Variants in USP48 observed in about 807,000 individuals in gnomAD.
USP48 encodes the protein ubiquitin specific peptidase 48.
Under a neutral mutation model 150.7 loss-of-function variants are expected in USP48, and 43 were observed. The observed-to-expected ratio is 0.29, with a 90% CI of 0.22 to 0.37. The LOEUF (loss-of-function observed/expected upper bound fraction) is 0.37. USP48 is among the 10% of genes least tolerant of loss of function. USP48 has a pLI of 1.00. For missense variants in USP48, 813 were observed against 1,249.6 expected (o/e 0.65, Z 5.27); for synonymous variants, 396 against 425.9 (o/e 0.93, Z 0.86).
intron 1 of USP48, among the ~76,000 whole-genome samples, chr1:21,775,716 C>A (rs997838212): frequency 6.6e-6 from 1 of 152,170 alleles, no homozygotes; most frequent in African/African-American, 2.4e-5. Flanking sequence ...TCCCTATACA[C>A]GGCTGGAAGC....
In USP48 at chr1:21,706,219, T is replaced by A. The variant is rs199906606; in HGVS notation, c.2212-32A>T. ...CACAAAAATCACAAAACAGTATCCG[T>A]CAATTCACCGCCTGCTTAACACAAA... On this transcript the variant is annotated intron_variant, in intron 17 of 26. Transcript: ENST00000308271. The A allele has an allele frequency of 1.2e-5, 20 of 1,606,042 alleles. No homozygotes were observed. The East Asian group carries it at 4.5e-4, about 36-fold the overall frequency.
intron 1 of USP48, among the ~76,000 whole-genome samples, chr1:21,770,439 G>C (rs1572041629): frequency 6.6e-6 from 1 of 150,930 alleles, no homozygotes; most frequent in South Asian, 2.1e-4. Flanking sequence ...GGTAGATATG[G>C]GACAGATAAA....
chr1:21,692,682 C>T (rs1262197313), intron 23 of USP48, among the ~76,000 whole-genome samples: 1 of 152,076 alleles, frequency 6.6e-6, no homozygotes, highest in Non-Finnish European at 1.5e-5. Context: ...TGAATAATCC[C>T]GCCCTAGAGG....
chr1:21,782,687 A>AG, intron 1 of USP48, 137 bp downstream of exon 1: 3 of 1,320,726 alleles, frequency 2.3e-6, no homozygotes, highest in Non-Finnish European at 3.0e-6. Context: ...GACGGCGCAA[A>AG]GGGGGAAACT....
chr1:21,762,879 A>T (rs1490824976), intron 1 of USP48, among the ~76,000 whole-genome samples: 1 of 151,838 alleles, frequency 6.6e-6, no homozygotes, highest in East Asian at 1.9e-4. Context: ...AAAAAAAAAA[A>T]AAAAAAAAAT....
chr1:21,755,854 G>A (rs1236428108), intron 3 of USP48, among the ~76,000 whole-genome samples: 1 of 151,726 alleles, frequency 6.6e-6, no homozygotes, highest in African/African-American at 2.4e-5. Flanking sequence ...AACAGAGCAA[G>A]ACACTGTCTC....
At chr1:21,771,603 G>A (rs970498938) in intron 1 of USP48, among the ~76,000 whole-genome samples, 4 of 151,636 alleles carry the variant, frequency 2.6e-5, no homozygotes, top group African/African-American at 4.8e-5. Flanking sequence ...GTTATTCAAC[G>A]AAATTAATCA....
chr1:21,707,662 A>G (rs2097676674), intron 15 of USP48, among the ~76,000 whole-genome samples: 1 of 152,196 alleles, frequency 6.6e-6, no homozygotes, highest in African/African-American at 2.4e-5. Context: ...ATCTACCCAT[A>G]TCGGTCATTA....
chr1:21,722,559 C>T (rs940391471), intron 12 of USP48, among the ~76,000 whole-genome samples: 3 of 145,444 alleles, frequency 2.1e-5, no homozygotes, highest in African/African-American at 7.6e-5. Flanking sequence ...AAAAAAAAAA[C>T]AGGGGCCAGA....
intron 8 of USP48, among the ~76,000 whole-genome samples, chr1:21,740,512 C>T (rs1398629461): frequency 1.3e-5 from 2 of 152,040 alleles, no homozygotes; most frequent in Non-Finnish European, 2.9e-5. Flanking sequence ...AGAAGCTAGC[C>T]CTCAAAAAGA....
At chr1:21,729,507 T>A (rs1185499347) in intron 10 of USP48, among the ~76,000 whole-genome samples, 197 bp downstream of exon 10, 12 of 152,228 alleles carry the variant, frequency 7.9e-5, no homozygotes, top group African/African-American at 2.9e-4. Flanking sequence ...ACTTTCTGAT[T>A]TTTTAATAAT....
intron 1 of USP48, among the ~76,000 whole-genome samples, chr1:21,774,559 C>T (rs1332444796): frequency 3.3e-5 from 5 of 151,698 alleles, no homozygotes; most frequent in African/African-American, 7.3e-5. Context: ...TGGTGGGGCG[C>T]CCCTGTAGTC....
At chr1:21,753,248 T>C in intron 3 of USP48, 129 bp from the exon 4 acceptor site, 2 of 1,034,802 alleles carry the variant, frequency 1.9e-6, no homozygotes, top group South Asian at 3.5e-5. Flanking sequence ...TTTATTATCA[T>C]TTTAAAACTT....
intron 25 of USP48, among the ~76,000 whole-genome samples, chr1:21,684,779 A>G (rs1015673815): frequency 6.6e-6 from 1 of 152,208 alleles, no homozygotes; most frequent in South Asian, 2.1e-4. Context: ...CAGTTTTCCC[A>G]GCAAAATCTA....
chr1:21,699,024 C>A (rs1248052490), intron 22 of USP48, among the ~76,000 whole-genome samples: 2 of 151,970 alleles, frequency 1.3e-5, no homozygotes, highest in Non-Finnish European at 2.9e-5. Flanking sequence ...GATATGTACA[C>A]CCATACACCC....
At chr1:21,760,458 G>A (rs1356324221) in intron 1 of USP48, among the ~76,000 whole-genome samples, 1 of 152,228 alleles carries the variant, frequency 6.6e-6, no homozygotes, top group African/African-American at 2.4e-5. Context: ...GCTCACGCCT[G>A]TAATCCCAGC....
intron 1 of USP48, among the ~76,000 whole-genome samples, chr1:21,778,096 T>A (rs925985640): frequency 6.7e-6 from 1 of 149,908 alleles, no homozygotes; most frequent in African/African-American, 2.5e-5. Context: ...TGAGCCGAGA[T>A]GGCATCACTG....
chr1:21,737,203 T>C (rs924064298), intron 8 of USP48, among the ~76,000 whole-genome samples: 2 of 152,160 alleles, frequency 1.3e-5, no homozygotes, highest in South Asian at 2.1e-4. Flanking sequence ...AGACTCACAA[T>C]TGTGGTCACC....
intron 3 of USP48, 138 bp downstream of exon 3, chr1:21,756,408 G>A: frequency 9.7e-7 from 1 of 1,028,458 alleles, no homozygotes; most frequent in Non-Finnish European, 1.4e-6. Flanking sequence ...TTCAGCCCAG[G>A]AGGCAGACGT....
Sources: gnomAD v4.1 joint callset for allele counts (sites outside exome capture counted in the v4.1 genomes callset) on GRCh38, gnomAD v4.1.1 for gene constraint, MANE v1.5 for transcripts, NCBI Gene and HGNC (gene_info 2026-07-23, HGNC 2026-07-21) for gene names.